The following SLC41A2 variants were observed in gnomAD, a reference collection of about 807,000 sequenced individuals.
SLC41A2 encodes the protein solute carrier family 41 member 2.
A neutral mutation model predicts 58.3 loss-of-function variants in SLC41A2; 32 were observed. That is an observed-to-expected ratio of 0.55 (90% confidence interval 0.41 to 0.74). The LOEUF is 0.74. Among genes scored for constraint, SLC41A2 ranks in the 30% least tolerant of loss-of-function variants. SLC41A2 has a pLI of 0.00. For synonymous variants in SLC41A2, 190 were observed against 235.0 expected, an observed-to-expected ratio of 0.81 and a Z score of 1.75; for missense variants, 514 against 680.6, an observed-to-expected ratio of 0.76 and a Z score of 2.72.
At chr12:104,806,415 T>C (rs11112202) in intron 10 of SLC41A2, among the ~76,000 whole-genome samples, 2,960 of 152,286 alleles carry the variant, frequency 0.019, 87 homozygotes, top group African/African-American at 0.068. Flanking sequence ...TATGGCTGCA[T>C]AGTATTCCAT....
intron 3 of SLC41A2, among the ~76,000 whole-genome samples, chr12:104,900,190 T>C (rs1476529532): frequency 1.3e-5 from 2 of 152,172 alleles, no homozygotes; most frequent in Non-Finnish European, 2.9e-5. Context: ...GTATGGTCTT[T>C]TAAAGGTAAA....
chr12:104,851,459 C>A (rs2042795745), intron 8 of SLC41A2, among the ~76,000 whole-genome samples: 1 of 152,082 alleles, frequency 6.6e-6, no homozygotes, highest in African/African-American at 2.4e-5. Context: ...TTGTGGCTCA[C>A]TGCAACGTCG....
chr12:104,897,503 A>G (rs1393204342), intron 3 of SLC41A2, among the ~76,000 whole-genome samples: 5 of 152,014 alleles, frequency 3.3e-5, no homozygotes, highest in African/African-American at 1.2e-4. Flanking sequence ...GGTACTAATC[A>G]ATTAATTTGT....
chr12:104,942,209 T>G (rs562190557), intron 1 of SLC41A2, among the ~76,000 whole-genome samples: 1 of 152,304 alleles, frequency 6.6e-6, no homozygotes, highest in African/African-American at 2.4e-5. Context: ...CTGGGCACAG[T>G]GACTCACACC....
chr12:104,887,865 T>C (rs1239350917), intron 5 of SLC41A2, among the ~76,000 whole-genome samples: 1 of 152,032 alleles, frequency 6.6e-6, no homozygotes, highest in Non-Finnish European at 1.5e-5. Flanking sequence ...ACTTTACATA[T>C]ACTAAAGTGC....
rs574785989 is a variant in SLC41A2 at position 104,835,685 on chromosome 12, G to T, written c.1536+8787C>A. Among the ~76,000 whole-genome samples the T allele has an allele frequency of 2.0e-5, 3 of 152,246 alleles. No homozygotes were observed. In the South Asian group the frequency reaches 6.2e-4, roughly 32 times the overall value. On this transcript the variant is annotated intron_variant, in intron 10 of 10. Coordinates refer to ENST00000258538, the MANE Select transcript of SLC41A2 (RefSeq NM_001352171.3). Reference sequence around the variant, plus strand: ...ATGGATTCCTACTTGACTTCAGTAGGCATTGATTCGGTATGGATCCTGTGG... The same window carrying T: ...ATGGATTCCTACTTGACTTCAGTAGTCATTGATTCGGTATGGATCCTGTGG...
chr12:104,937,634 C>T (rs2047337256), intron 1 of SLC41A2, among the ~76,000 whole-genome samples: 1 of 152,138 alleles, frequency 6.6e-6, no homozygotes, highest in South Asian at 2.1e-4. Flanking sequence ...ATCATTAAGC[C>T]CTTCATTAAG....
At chr12:104,941,799 A>C (rs1167746053) in intron 1 of SLC41A2, among the ~76,000 whole-genome samples, 1 of 152,280 alleles carries the variant, frequency 6.6e-6, no homozygotes, top group African/African-American at 2.4e-5. Flanking sequence ...TGATGGGTGC[A>C]GCAAATCACA....
intron 2 of SLC41A2, among the ~76,000 whole-genome samples, chr12:104,919,876 G>A (rs1049171839): frequency 3.9e-5 from 6 of 152,124 alleles, no homozygotes; most frequent in South Asian, 2.1e-4. Context: ...TTGGTGTCAA[G>A]TGTAAGAACT....
At chr12:104,905,564 G>T (rs10778356) in intron 3 of SLC41A2, among the ~76,000 whole-genome samples, 5 of 152,052 alleles carry the variant, frequency 3.3e-5, no homozygotes, top group Admixed American at 2.0e-4. Flanking sequence ...GGAGCAGGGG[G>T]TGGCGCTCAT....
chr12:104,911,693 C>A (rs548389371), intron 2 of SLC41A2, among the ~76,000 whole-genome samples: 2 of 152,164 alleles, frequency 1.3e-5, no homozygotes, highest in Non-Finnish European at 2.9e-5. Context: ...AACTGGGGGG[C>A]CTAAAGAGAC....
chr12:104,844,367 T>A, intron 10 of SLC41A2, 105 bp downstream of exon 10: 1 of 731,406 alleles, frequency 1.4e-6, no homozygotes, highest in Non-Finnish European at 2.0e-6. Flanking sequence ...GATGTTCAGT[T>A]GATTTTTGAA....
At chr12:104,876,438 GT>G (rs2044046610) in intron 6 of SLC41A2, among the ~76,000 whole-genome samples, 1 of 151,610 alleles carries the variant, frequency 6.6e-6, no homozygotes, top group African/African-American at 2.4e-5. Flanking sequence ...TGTCCCTTAG[GT>G]TTTGGTATGT....
At chr12:104,905,087 G>C (rs377196704) in intron 3 of SLC41A2, among the ~76,000 whole-genome samples, 1 of 151,520 alleles carries the variant, frequency 6.6e-6, no homozygotes, top group African/African-American at 2.4e-5. Flanking sequence ...GGTTCTCCAC[G>C]TCCCCATCAG....
At position 104,917,738 on chromosome 12, in the gene SLC41A2, G is replaced by A. The variant is rs546811611; in HGVS notation, c.556-7976C>T. 2.2e-4 allele frequency among the ~76,000 whole-genome samples: 32 copies of A among 145,138 alleles called. No homozygotes were observed. The East Asian group carries it at 5.0e-3, about 23-fold the overall frequency. ...TCACAAGGACAAAAAACCAAACACC[G>A]CATGTTCTCACTCATAGGTGGGAAT... On this transcript the variant is annotated intron_variant, in intron 2 of 10. Coordinates refer to ENST00000258538, the MANE Select transcript of SLC41A2 (RefSeq NM_001352171.3).
intron 4 of SLC41A2, among the ~76,000 whole-genome samples, chr12:104,891,433 T>C (rs1459103986): frequency 1.3e-5 from 2 of 151,610 alleles, no homozygotes; most frequent in African/African-American, 4.8e-5. Flanking sequence ...TCATATTACT[T>C]TGTAAGAGTT....
At chr12:104,827,618 T>A (rs1386063899) in intron 10 of SLC41A2, among the ~76,000 whole-genome samples, 1 of 152,220 alleles carries the variant, frequency 6.6e-6, no homozygotes, top group South Asian at 2.1e-4. Flanking sequence ...GTATAACCCA[T>A]GTATACTTAA....
intron 10 of SLC41A2, among the ~76,000 whole-genome samples, chr12:104,833,421 C>T (rs1363074564): frequency 6.6e-6 from 1 of 152,194 alleles, no homozygotes; most frequent in East Asian, 1.9e-4. Context: ...GTTCCTGAAG[C>T]CATGCTTCTC....
At chr12:104,943,492 G>C (rs59581650) in intron 1 of SLC41A2, among the ~76,000 whole-genome samples, 10 of 152,228 alleles carry the variant, frequency 6.6e-5, no homozygotes, top group Non-Finnish European at 8.8e-5. Context: ...AGCTACAAAT[G>C]GTTCTTCAAA....
Sources: gnomAD v4.1 joint callset for allele counts (sites outside exome capture counted in the v4.1 genomes callset) on GRCh38, gnomAD v4.1.1 for gene constraint, MANE v1.5 for transcripts, NCBI Gene and HGNC (gene_info 2026-07-23, HGNC 2026-07-21) for gene names.